MDN1: variants seen among roughly 807,000 people sequenced by gnomAD.
The protein encoded by MDN1 is midasin AAA ATPase 1.
A neutral mutation model predicts 669.2 loss-of-function variants in MDN1; 266 were observed. The ratio of observed to expected loss-of-function variants is 0.40; its 90% confidence interval spans 0.36 to 0.44. The LOEUF (loss-of-function observed/expected upper bound fraction) is 0.44, where lower values mean the gene tolerates loss of function less well. MDN1 is among the 20% of genes least tolerant of loss of function. The pLI is 1.00. For missense variants in MDN1, 5,940 were observed against 6,754.0 expected, an observed-to-expected ratio of 0.88 and a Z score of 4.22; for synonymous variants, 2,385 against 2,457.1, an observed-to-expected ratio of 0.97 and a Z score of 0.87.
At position 89,673,398 on chromosome 6, in the gene MDN1, C is replaced by G; in HGVS notation, c.13312G>C (p.Gly4438Arg). The G allele has an allele frequency of 6.2e-7, 1 of 1,614,114 alleles. No individual in the cohort carries two copies. Among genetic ancestry groups the G allele is most frequent in the Non-Finnish European group, 8.5e-7 (1 of 1,180,030 alleles). Residue 4438 changes from glycine to arginine, a missense_variant, in exon 80 of 102, where the codon GGC (glycine) becomes CGC (arginine). Around this residue, in one of 5 missense-constraint regions of MDN1, gnomAD observed 2,280 missense variants for 2,576.3 expected, o/e 0.88. Coordinates refer to ENST00000369393, the MANE Select transcript of MDN1 (RefSeq NM_014611.3). ...CLSQVSVHLQ[G>R]LESLFILPGM... is the part of the protein sequence containing the mutation. ...GGAAGAATGAACAAGGACTCTAGGC[C>G]CTGCAAATGAACTGACACCTGGGAC... is the stretch of plus-strand genomic sequence containing the variant.
intron 33 of MDN1, among the ~76,000 whole-genome samples, chr6:89,733,673 A>T (rs928199581): frequency 6.6e-6 from 1 of 151,970 alleles, no homozygotes; most frequent in Non-Finnish European, 1.5e-5. Flanking sequence ...AAAATGACAA[A>T]GCAAAGGGGA....
Position 89,729,121 on chromosome 6 carries a change from T to C in MDN1, c.5159A>G (p.Asn1720Ser). The C allele has an allele frequency of 6.2e-7, 1 of 1,613,216 alleles. No homozygotes were observed. Among genetic ancestry groups the C allele is most frequent in the Non-Finnish European group, 8.5e-7 (1 of 1,179,928 alleles). ...ACTGAGTGCATAGTCTGCAATATTATTCCTGTGTAGGACAGGTCCTTAAGT... is the reference window on the plus strand; with the variant it reads ...ACTGAGTGCATAGTCTGCAATATTACTCCTGTGTAGGACAGGTCCTTAAGT... ...FIPRGPVLHR[N>S]NIADYALSAG... The change falls in exon 36 of 102, where the codon AAT becomes AGT. Residue 1720 changes from asparagine (N) to serine (S), a missense_variant. Physicochemically the swap from Asn to Ser is conservative, Grantham distance 46. Around this residue, in one of 5 missense-constraint regions of MDN1, gnomAD observed 2,292 missense variants for 2,638.3 expected, o/e 0.87. Coordinates refer to ENST00000369393, the MANE Select transcript of MDN1 (RefSeq NM_014611.3).
At chr6:89,755,410 A>G (rs530869993) in intron 20 of MDN1, among the ~76,000 whole-genome samples, 54 of 151,406 alleles carry the variant, frequency 3.6e-4, no homozygotes, top group African/African-American at 1.3e-3. Flanking sequence ...TAGAACTCCA[A>G]GTCTTCATTT....
rs767857208 is a variant in MDN1 at position 89,699,588 on chromosome 6, T to C, written c.8997+13A>G. 1.6e-5 allele frequency: 25 copies of C among 1,609,606 alleles called. No individual in the cohort carries two copies. The highest frequency in any genetic ancestry group is 8.9e-5 in the East Asian group (4 of 44,718). On this transcript the variant is annotated intron_variant, in intron 58 of 101. Coordinates refer to ENST00000369393, the MANE Select transcript of MDN1 (RefSeq NM_014611.3). ...TAATGTAAAGGAGGCTTATGTCTTA[T>C]TGTGATTTTTACCTTCTGATGATGC...
intron 83 of MDN1, among the ~76,000 whole-genome samples, chr6:89,670,581 G>T (rs978219430): frequency 3.3e-5 from 5 of 152,058 alleles, no homozygotes; most frequent in African/African-American, 1.2e-4. Flanking sequence ...TACAACTCTA[G>T]TTCAAGAGTT....
At chr6:89,796,198 C>T (rs1819581208) in intron 2 of MDN1, among the ~76,000 whole-genome samples, 1 of 151,266 alleles carries the variant, frequency 6.6e-6, no homozygotes. Context: ...GTGGTGCATG[C>T]CTGTAATCCC....
intron 8 of MDN1, among the ~76,000 whole-genome samples, chr6:89,786,921 T>A: frequency 4.3e-5 from 2 of 47,042 alleles, no homozygotes; most frequent in South Asian, 7.2e-4. Flanking sequence ...TGAGACTCCA[T>A]CTCAAAAAAA....
intron 33 of MDN1, among the ~76,000 whole-genome samples, chr6:89,734,660 AAAGG>A (rs1253048855): frequency 7.0e-6 from 1 of 142,896 alleles, no homozygotes; most frequent in African/African-American, 2.6e-5. Context: ...ACATTGTCTC[AAAGG>A]AAGAAGAAAA....
intron 94 of MDN1, 113 bp downstream of exon 94, chr6:89,652,879 A>C (rs1326368247): frequency 1.1e-5 from 13 of 1,160,864 alleles, no homozygotes; most frequent in Non-Finnish European, 1.3e-5. Context: ...GAAACCCCTC[A>C]ACAACCAGAT....
chr6:89,791,197 C>T (rs1819252637), intron 5 of MDN1, among the ~76,000 whole-genome samples: 1 of 152,000 alleles, frequency 6.6e-6, no homozygotes, highest in African/African-American at 2.4e-5. Flanking sequence ...AGCTGATGCA[C>T]AAAGGTAGGG....
chr6:89,743,644 G>A lies in MDN1; in HGVS notation c.4249C>T (p.His1417Tyr), dbSNP rs1816413999. The change falls in exon 30 of 102, where the codon CAC becomes TAC. Residue 1417 changes from histidine (H) to tyrosine (Y), a missense_variant. Physicochemically the swap from His to Tyr is moderately conservative, Grantham distance 83. Coordinates refer to ENST00000369393, the MANE Select transcript of MDN1 (RefSeq NM_014611.3). Reference sequence around the variant, plus strand: ...AAGTCTGATGTCTCCATGTGTAAGTGGCAGCTGACAGAGTATAATTTCTGA... The same window carrying A: ...AAGTCTGATGTCTCCATGTGTAAGTAGCAGCTGACAGAGTATAATTTCTGA... ...ANQKLYSVSC[H>Y]LHMETSDFLG... The A allele has an allele frequency of 6.2e-7, 1 of 1,614,006 alleles. No homozygotes were observed. Among genetic ancestry groups the A allele is most frequent in the Non-Finnish European group, 8.5e-7 (1 of 1,179,902 alleles).
rs115988166 is a variant in MDN1, at chr6:89,668,998, T to A, written c.13957-847A>T. ...TGCTTAATTTTCCCATTGAACTACA[T>A]TATTTAAATGAGAGACATTCAGAAA... is the stretch of plus-strand genomic sequence containing the variant. On this transcript the variant is annotated intron_variant, in intron 83 of 101. Transcript: ENST00000369393. 4.4e-3 allele frequency among the ~76,000 whole-genome samples: 673 copies of A among 152,360 alleles called. 5 individuals carry two copies. Among genetic ancestry groups the A allele is most frequent in the African/African-American group, 0.015 (639 of 41,582 alleles).
At chr6:89,728,059 T>C in intron 36 of MDN1, 104 bp from the exon 37 acceptor site, 9 of 1,333,664 alleles carry the variant, frequency 6.7e-6, no homozygotes, top group Non-Finnish European at 9.2e-6. Context: ...CTGGCACCAC[T>C]ACTCTTCCTT....
intron 53 of MDN1, among the ~76,000 whole-genome samples, chr6:89,705,497 C>G (rs1813452595): frequency 6.6e-6 from 1 of 152,104 alleles, no homozygotes; most frequent in Non-Finnish European, 1.5e-5. Flanking sequence ...CTGTTACAAT[C>G]TAACAACAGG....
chr6:89,799,221 T>C (rs1311410457), intron 2 of MDN1, among the ~76,000 whole-genome samples: 1 of 152,244 alleles, frequency 6.6e-6, no homozygotes, highest in East Asian at 1.9e-4. Context: ...ACAATCCATC[T>C]GCTATTCTTC....
At position 89,754,120 on chromosome 6, in the gene MDN1, G is replaced by T. The variant is rs1330726096; in HGVS notation, c.2927C>A (p.Ser976Tyr). 6.2e-7 allele frequency: 1 copy of T among 1,614,056 alleles called. No homozygotes were observed. The highest frequency in any genetic ancestry group is 1.7e-5 in the Admixed American group (1 of 60,004). The change falls in exon 21 of 102, where the codon TCC becomes TAC. Residue 976 changes from serine (S) to tyrosine (Y), a missense_variant. Ser to Tyr is a moderately radical substitution (Grantham distance 144). This residue lies in a region of MDN1 where 1,203 missense variants were observed against 1,268.9 expected (regional missense o/e 0.95). Coordinates refer to ENST00000369393, the MANE Select transcript of MDN1 (RefSeq NM_014611.3). ...TLCRALRFAA[S>Y]NPCGNIQRSL... ...GCGCTGAATGTTGCCACATGGATTG[G>T]AGGCTGCAAATCGCAGGGCCCGGCA... is the stretch of plus-strand genomic sequence containing the variant.
In MDN1 at chr6:89,715,773, C is replaced by T; in HGVS notation, c.6744-4G>A. On this transcript the variant is annotated splice_polypyrimidine_tract_variant and splice_region_variant and intron_variant, in intron 44 of 101. Transcript: ENST00000369393. ...CAAACGATCCAACACTGATGGGCTG[C>T]AGAGACAGAATTCAGATGGTGGATA... 6.3e-7 allele frequency: 1 copy of T among 1,587,864 alleles called. No homozygotes were observed. Among genetic ancestry groups the T allele is most frequent in the Non-Finnish European group, 8.6e-7 (1 of 1,156,220 alleles).
chr6:89,732,877 C>G (rs1815695502), intron 33 of MDN1, 102 bp from the exon 34 acceptor site: 5 of 933,342 alleles, frequency 5.4e-6, no homozygotes, highest in Admixed American at 5.2e-5. Flanking sequence ...GGTCTCTGCT[C>G]CTTCTAAGCA....
At chr6:89,670,170 A>ATTTTTTTTTTTTT (rs766450069) in intron 83 of MDN1, among the ~76,000 whole-genome samples, 2 of 23,410 alleles carry the variant, frequency 8.5e-5, no homozygotes, top group Admixed American at 9.6e-4. Flanking sequence ...ATATATATAT[A>ATTTTTTTTTTTTT]TTTTTTTTTT....
Sources: gnomAD v4.1 joint callset for allele counts (sites outside exome capture counted in the v4.1 genomes callset) on GRCh38, gnomAD v4.1.1 for gene constraint, gnomAD v4.1.1 regional missense constraint, MANE v1.5 for transcripts, NCBI Gene and HGNC (gene_info 2026-07-23, HGNC 2026-07-21) for gene names.